Variants in TRHDE observed in about 807,000 individuals in gnomAD.
The protein encoded by TRHDE is thyrotropin-releasing hormone-degrading ectoenzyme.
TRHDE carries 72 observed loss-of-function variants against 125.7 expected under a neutral mutation model. The observed-to-expected ratio is 0.57, with a 90% CI of 0.47 to 0.70. The LOEUF is 0.70. Ranked by LOEUF, TRHDE falls within the 30% of genes least tolerant of loss-of-function variation. TRHDE has a pLI of 0.00. For missense variants in TRHDE, 1,110 were observed against 1,327.1 expected (o/e 0.84, Z 2.54); for synonymous variants, 509 against 509.1 (o/e 1.00, Z 0.00).
intron 3 of TRHDE, among the ~76,000 whole-genome samples, chr12:72,432,261 T>C (rs1478518573): frequency 6.6e-6 from 1 of 152,148 alleles, no homozygotes; most frequent in Non-Finnish European, 1.5e-5. Context: ...TACCTGGCTC[T>C]AGTGGCCAGA....
intron 1 of TRHDE, among the ~76,000 whole-genome samples, chr12:72,282,967 G>T (rs987048560): frequency 6.6e-6 from 1 of 152,140 alleles, no homozygotes; most frequent in Non-Finnish European, 1.5e-5. Context: ...GCACAAGACA[G>T]TCCCCACAAC....
At chr12:72,333,624 A>C (rs1201519521) in intron 2 of TRHDE, among the ~76,000 whole-genome samples, 1 of 152,190 alleles carries the variant, frequency 6.6e-6, no homozygotes, top group Non-Finnish European at 1.5e-5. Context: ...TATAGACAAG[A>C]ATGCATACAT....
At chr12:72,227,622 T>C (rs568176878) in intron 2 of TRHDE, among the ~76,000 whole-genome samples, 23 of 152,138 alleles carry the variant, frequency 1.5e-4, no homozygotes, top group Non-Finnish European at 2.8e-4. Context: ...CCCAACAGTC[T>C]CCCAAAGTCT....
intron 2 of TRHDE, among the ~76,000 whole-genome samples, chr12:72,290,374 C>G (rs920196400): frequency 6.6e-6 from 1 of 152,136 alleles, no homozygotes; most frequent in Admixed American, 6.5e-5. Context: ...TGTTAATTAC[C>G]TTAACCTCTT....
intron 2 of TRHDE, among the ~76,000 whole-genome samples, chr12:72,359,378 A>G (rs1232242697): frequency 6.6e-6 from 1 of 151,658 alleles, no homozygotes; most frequent in Non-Finnish European, 1.5e-5. Flanking sequence ...CATGGCTCCT[A>G]TTTGGCATTA....
chr12:72,246,251 A>T (rs960581118), intron 2 of TRHDE, among the ~76,000 whole-genome samples: 91 of 83,796 alleles, frequency 1.1e-3, no homozygotes, highest in Non-Finnish European at 1.6e-3. Context: ...AAATGCATAT[A>T]ATAACTCTTA....
intron 5 of TRHDE, among the ~76,000 whole-genome samples, chr12:72,491,334 T>G (rs1290245718): frequency 6.6e-6 from 1 of 151,902 alleles, no homozygotes; most frequent in African/African-American, 2.4e-5. Context: ...ATTGACATTA[T>G]TTGAAGCACA....
chr12:72,457,599 G>A (rs1875921262), intron 3 of TRHDE, among the ~76,000 whole-genome samples: 1 of 144,982 alleles, frequency 6.9e-6, no homozygotes, highest in African/African-American at 2.5e-5. Context: ...ATTTGATTTT[G>A]TTTGAAATTA....
chr12:72,386,305 G>C (rs1417820861), intron 3 of TRHDE, among the ~76,000 whole-genome samples: 1 of 152,092 alleles, frequency 6.6e-6, no homozygotes, highest in Non-Finnish European at 1.5e-5. Flanking sequence ...AATTAAGTTA[G>C]GAAATAACCA....
At chr12:72,552,223 A>G (rs2135998831) in intron 7 of TRHDE, among the ~76,000 whole-genome samples, 1 of 152,296 alleles carries the variant, frequency 6.6e-6, no homozygotes, top group Middle Eastern at 3.4e-3. Flanking sequence ...CAGTCAGCAT[A>G]CCAAGAAAGG....
At chr12:72,329,009 A>C (rs1437676704) in intron 2 of TRHDE, among the ~76,000 whole-genome samples, 1 of 152,190 alleles carries the variant, frequency 6.6e-6, no homozygotes, top group East Asian at 1.9e-4. Flanking sequence ...TGAAAAATAC[A>C]AAAGAGAGTC....
chr12:72,346,435 C>T (rs1391191908), intron 2 of TRHDE, among the ~76,000 whole-genome samples: 2 of 151,748 alleles, frequency 1.3e-5, no homozygotes, highest in Non-Finnish European at 2.9e-5. Context: ...ACTTTGCCAA[C>T]ATAGAGCTGT....
intron 6 of TRHDE, among the ~76,000 whole-genome samples, chr12:72,508,549 TG>T (rs1878449738): frequency 6.6e-6 from 1 of 152,220 alleles, no homozygotes; most frequent in Non-Finnish European, 1.5e-5. Flanking sequence ...ATTTACCCAA[TG>T]CCTGTATCCC....
chr12:72,233,279 G>A (rs1282563502), intron 2 of TRHDE, among the ~76,000 whole-genome samples: 1 of 152,150 alleles, frequency 6.6e-6, no homozygotes, highest in Non-Finnish European at 1.5e-5. Flanking sequence ...GCAAGAGCAG[G>A]AATTCAGAGT....
chr12:72,192,753 C>T lies in TRHDE; in HGVS notation n.279+87001C>T, dbSNP rs557137297. Among the ~76,000 whole-genome samples, 5 of 152,154 alleles carry T rather than the reference C, an allele frequency of 3.3e-5. No individual in the cohort carries two copies. The East Asian group carries it at 9.7e-4, about 29-fold the overall frequency. ...GTTGCTGTTACGTTAAAAGGGACAA[C>T]ACAAGTAAAATGCTTGAGTGCTGTA... On this transcript the variant is annotated intron_variant and non_coding_transcript_variant, in intron 2 of 4. Transcript: ENST00000548156.
chr12:72,656,278 T>C (rs1455815537), intron 17 of TRHDE, among the ~76,000 whole-genome samples: 1 of 152,162 alleles, frequency 6.6e-6, no homozygotes, highest in South Asian at 2.1e-4. Context: ...TTTACTTTAA[T>C]GTACACATGA....
intron 2 of TRHDE, among the ~76,000 whole-genome samples, chr12:72,220,779 T>A (rs2956436): frequency 0.76 from 116,035 of 151,932 alleles, 44,597 homozygotes; most frequent in Non-Finnish European, 0.79. Context: ...CATCAACTTG[T>A]CTCTAATTTT....
chr12:72,487,353 A>G (rs929473609), intron 5 of TRHDE, among the ~76,000 whole-genome samples: 1 of 152,174 alleles, frequency 6.6e-6, no homozygotes, highest in Non-Finnish European at 1.5e-5. Context: ...CATACTGTCA[A>G]TAGTGAAAGA....
intron 2 of TRHDE, among the ~76,000 whole-genome samples, chr12:72,324,563 G>A (rs1252103790): frequency 6.6e-6 from 1 of 152,130 alleles, no homozygotes; most frequent in Non-Finnish European, 1.5e-5. Flanking sequence ...AGTCATCAGA[G>A]CAAGGCTCGA....
Sources: allele counts gnomAD v4.1 joint callset (sites outside exome capture counted in the v4.1 genomes callset), GRCh38; gene constraint gnomAD v4.1.1; transcripts MANE v1.5; gene names NCBI Gene and HGNC (gene_info 2026-07-23, HGNC 2026-07-21).